RAPGEF3: variants seen among roughly 807,000 people sequenced by gnomAD.
The protein encoded by RAPGEF3 is 9330170P05Rik.
A neutral mutation model predicts 129.8 loss-of-function variants in RAPGEF3; 103 were observed. That is an observed-to-expected ratio of 0.79 (90% CI 0.68 to 0.93). The LOEUF is 0.93. RAPGEF3 is among the 40% of genes least tolerant of loss of function. RAPGEF3 has a pLI of 0.00. For missense variants in RAPGEF3, 1,117 were observed against 1,207.4 expected (o/e 0.93, Z 1.11); for synonymous variants, 436 against 482.6 (o/e 0.90, Z 1.26).
chr12:47,743,113 T>C (rs1413040308), intron 18 of RAPGEF3, among the ~76,000 whole-genome samples: 1 of 152,256 alleles, frequency 6.6e-6, no homozygotes, highest in African/African-American at 2.4e-5. Flanking sequence ...CAAATGATGA[T>C]AATAATAGCA....
At chr12:47,740,545 GTGGCAGATT>G in intron 21 of RAPGEF3, 88 bp downstream of exon 21, 1 of 1,515,236 alleles carries the variant, frequency 6.6e-7, no homozygotes, top group Admixed American at 1.8e-5. Context: ...AACAAATAGG[GTGGCAGATT>G]TGGCAACATA....
chr12:47,748,161 C>T lies in RAPGEF3; in HGVS notation c.1244-9G>A, dbSNP rs774826705. ...GTCGCTGAGGAATGTCTCTGTATGA[C>T]AGGGTGAGGGGATGGGAGGAGGCTT... On this transcript the variant is annotated splice_polypyrimidine_tract_variant and intron_variant, in intron 12 of 27. Coordinates refer to ENST00000449771, the MANE Select transcript of RAPGEF3 (RefSeq NM_001098531.4). 31 of 1,566,308 alleles carry T rather than the reference C, an allele frequency of 2.0e-5. No homozygotes were observed. The highest frequency in any genetic ancestry group is 2.3e-5 in the Non-Finnish European group (27 of 1,154,090).
intron 2 of RAPGEF3, chr12:47,756,002 C>T (rs999493171): frequency 2.0e-5 from 3 of 152,242 alleles, no homozygotes; most frequent in African/African-American, 7.2e-5. Context: ...CAAAGTTGGT[C>T]ATCAGAAGAG....
chr12:47,740,825 TG>T lies in RAPGEF3; in HGVS notation c.2050-3del. 6.2e-7 allele frequency: 1 copy of T among 1,613,774 alleles called. No individual in the cohort carries two copies. The highest frequency in any genetic ancestry group is 8.5e-7 in the Non-Finnish European group (1 of 1,179,928). On this transcript the variant is annotated splice_region_variant and splice_polypyrimidine_tract_variant and intron_variant, in intron 20 of 27. Transcript: ENST00000449771. ...CAGCACATAGTGGATCAGCTCCACCTGGGTGGGGTCAGCAGGAGAGGTCAGC... is the reference window on the plus strand; with the variant it reads ...CAGCACATAGTGGATCAGCTCCACCTGGTGGGGTCAGCAGGAGAGGTCAGC...
intron 18 of RAPGEF3, among the ~76,000 whole-genome samples, chr12:47,742,560 G>C (rs1334117124): frequency 6.6e-6 from 1 of 152,190 alleles, no homozygotes; most frequent in East Asian, 1.9e-4. Flanking sequence ...GCCCTCCGCA[G>C]AGAACAGTGG....
chr12:47,755,010 G>T (rs1565768679), intron 2 of RAPGEF3, among the ~76,000 whole-genome samples: 1 of 152,206 alleles, frequency 6.6e-6, no homozygotes, highest in Non-Finnish European at 1.5e-5. Context: ...CAGTTCCCTT[G>T]GGCCATAGCT....
At position 47,748,867 on chromosome 12, in the gene RAPGEF3, G is replaced by T; in HGVS notation, c.1106C>A (p.Ala369Asp). ...HGKVVLVLER[A>D]SQGAGPSRPP... ...TCGGGAAGGGCCGGCGCCCTGAGAG[G>T]CTCTCTCCAGCACCAGCACCACTTT... is the stretch of plus-strand genomic sequence containing the variant. Residue 369 changes from alanine to aspartate, a missense_variant, in exon 11 of 28, where the codon GCC (alanine) becomes GAC (aspartate). This residue lies in a region of RAPGEF3 where 107 missense variants were observed against 160.7 expected (regional missense o/e 0.67). Transcript: ENST00000449771. The T allele has an allele frequency of 6.2e-7, 1 of 1,614,024 alleles. No individual in the cohort carries two copies. Among genetic ancestry groups the T allele is most frequent in the Non-Finnish European group, 8.5e-7 (1 of 1,179,942 alleles).
intron 25 of RAPGEF3, among the ~76,000 whole-genome samples, 191 bp downstream of exon 25, chr12:47,738,499 G>A (rs971864629): frequency 3.3e-5 from 5 of 152,216 alleles, no homozygotes; most frequent in African/African-American, 1.2e-4. Flanking sequence ...GTTGAATGGT[G>A]AGACGTCTGA....
At chr12:47,758,492 G>C in intron 1 of RAPGEF3, 59 bp downstream of exon 1, 1 of 1,596,512 alleles carries the variant, frequency 6.3e-7, no homozygotes, top group South Asian at 1.1e-5. Flanking sequence ...TCCCCACCGT[G>C]TCAGCTTCCT....
At chr12:47,754,406 T>C (rs1198201734) in intron 2 of RAPGEF3, among the ~76,000 whole-genome samples, 1 of 152,208 alleles carries the variant, frequency 6.6e-6, no homozygotes, top group African/African-American at 2.4e-5. Context: ...GCCAACCTTC[T>C]AGGATGGGGC....
At position 47,740,647 on chromosome 12, in the gene RAPGEF3, C is replaced by T. The variant is rs145730663; in HGVS notation, c.2226G>A (p.Ala742=). 38 of 1,613,308 alleles carry T rather than the reference C, an allele frequency of 2.4e-5. No homozygotes were observed. The African/African-American group carries it at 4.1e-4, about 18-fold the overall frequency. ...AQLLRKFIKL[A]AHLKEQKNLN... is the part of the protein sequence containing the mutation. ...CCCACTGGACAGGGACTCACTGGGC[C>T]GCCAGCTTAATGAACTTCCTGAGCA... The change falls in exon 21 of 28, where the codon GCG becomes GCA. Residue 742 remains alanine (A), a synonymous_variant. Coordinates refer to ENST00000449771, the MANE Select transcript of RAPGEF3 (RefSeq NM_001098531.4).
rs538589003 is a variant in RAPGEF3 at position 47,751,446 on chromosome 12, A to G, written c.455T>C (p.Val152Ala). The change falls in exon 5 of 28, where the codon GTT (valine) becomes GCT (alanine). Residue 152 changes from valine (V) to alanine (A), a missense_variant. By Grantham distance (64) the Val-to-Ala change is moderately conservative (BLOSUM62 0). Transcript: ENST00000449771. ...CAGCAGCACCTGGCAGATTCCCACA[A>G]CTTGGCTCCGGGAATGGACCCCAAG... ...LGLGVHSRSQ[V>A]VGICQVLLDE... 1.6e-5 allele frequency: 26 copies of G among 1,614,110 alleles called. No individual in the cohort carries two copies. The East Asian group carries it at 2.7e-4, about 17-fold the overall frequency.
chr12:47,751,723 C>T lies in RAPGEF3; in HGVS notation c.380G>A (p.Arg127Gln), dbSNP rs778595182. ...AGGAGGCAGCAGGGCCTCCACTCAC[C>T]GATAGAGCCTAAGGTGGTACTTCCG... Reference protein sequence around the residue: ...RDRKYHLRLYRQCCSGRELVD... With the variant: ...RDRKYHLRLYQQCCSGRELVD... Residue 127 changes from arginine to glutamine, a missense_variant and splice_region_variant, in exon 4 of 28, where the codon CGG becomes CAG. Around this residue, in one of 3 missense-constraint regions of RAPGEF3, gnomAD observed 367 missense variants for 373.4 expected, o/e 0.98. Transcript: ENST00000449771. 4.3e-6 allele frequency: 7 copies of T among 1,612,584 alleles called. No individual in the cohort carries two copies. The highest frequency in any genetic ancestry group is 1.7e-5 in the Admixed American group (1 of 60,028).
In RAPGEF3 at chr12:47,740,916, T is replaced by C. The variant is rs1397141496; in HGVS notation, c.2048A>G (p.Gln683Arg). ...HDWSLFNSIH[Q>R]VELIHYVLGP... ...CTCCCCCAGCTCTGCCTCCCATACC[T>C]GGTGGATACTGTTGAAGAGGCTCCA... The change falls in exon 20 of 28, where the codon CAG (glutamine) becomes CGG (arginine). Residue 683 changes from glutamine (Q) to arginine (R), a missense_variant and splice_region_variant. By Grantham distance (43) the Gln-to-Arg change is conservative. This residue lies in a region of RAPGEF3 where 643 missense variants were observed against 673.4 expected (regional missense o/e 0.95). Coordinates refer to ENST00000449771, the MANE Select transcript of RAPGEF3 (RefSeq NM_001098531.4). 1 of 1,614,014 alleles carries C rather than the reference T, an allele frequency of 6.2e-7. No homozygotes were observed. The highest frequency in any genetic ancestry group is 8.5e-7 in the Non-Finnish European group (1 of 1,179,986).
intron 2 of RAPGEF3, among the ~76,000 whole-genome samples, chr12:47,757,482 C>T (rs1036405287): frequency 2.0e-5 from 3 of 152,130 alleles, no homozygotes; most frequent in Non-Finnish European, 4.4e-5. Flanking sequence ...CGGTGATGCA[C>T]CCAGAACTGT....
intron 17 of RAPGEF3, 34 bp downstream of exon 17, chr12:47,743,953 G>T (rs762252152): frequency 5.2e-6 from 8 of 1,540,106 alleles, no homozygotes; most frequent in Non-Finnish European, 5.4e-6. Context: ...GGGTGCAGAT[G>T]TCGGGCTGTG....
intron 5 of RAPGEF3, 53 bp from the exon 6 acceptor site, chr12:47,751,269 G>T: frequency 6.5e-7 from 1 of 1,547,914 alleles, no homozygotes; most frequent in Non-Finnish European, 8.7e-7. Context: ...AGGCTATGTG[G>T]GTATGAAACC....
chr12:47,748,432 G>A (rs1266652089), intron 12 of RAPGEF3, 22 bp downstream of exon 12: 4 of 1,599,948 alleles, frequency 2.5e-6, no homozygotes, highest in East Asian at 4.5e-5. Flanking sequence ...CAGAAAGCAG[G>A]CAGGGTGTCT....
chr12:47,749,987 T>C lies in RAPGEF3; in HGVS notation c.760A>G (p.Lys254Glu). 6.2e-7 allele frequency: 1 copy of C among 1,614,210 alleles called. No homozygotes were observed. Among genetic ancestry groups the C allele is most frequent in the Non-Finnish European group, 8.5e-7 (1 of 1,180,044 alleles). Reference sequence around the variant, plus strand: ...AGCAGAACAGCCGCTAATTCTCGCTTCACCTGTGTGGTGGAGATAGGAGAG... The same window carrying C: ...AGCAGAACAGCCGCTAATTCTCGCTCCACCTGTGTGGTGGAGATAGGAGAG... The part of the protein sequence containing the change: ...KAVAHLSNSV[K>E]RELAAVLLFE... The change falls in exon 8 of 28, where the codon AAG becomes GAG. Residue 254 changes from lysine to glutamate, a missense_variant. Physicochemically the swap from Lys to Glu is moderately conservative, Grantham distance 56. Transcript: ENST00000449771. This position sits in a 1 kb window ranked among gnomAD's most constrained non-coding sequence, Gnocchi z 4.5.
Sources: gnomAD v4.1 joint callset for allele counts (sites outside exome capture counted in the v4.1 genomes callset) on GRCh38, gnomAD v4.1.1 for gene constraint, gnomAD v4.1.1 regional missense constraint, Gnocchi (gnomAD v3.1) non-coding constraint, MANE v1.5 for transcripts, NCBI Gene and HGNC (gene_info 2026-07-23, HGNC 2026-07-21) for gene names.